BBIP1: variants seen among roughly 807,000 people sequenced by gnomAD.
BBIP1 encodes BBSome interacting protein 1, also known as BBSome-interacting protein 1.
A neutral mutation model predicts 8.9 loss-of-function variants in BBIP1; 6 were observed. The observed-to-expected ratio is 0.67, with a 90% CI of 0.37 to 1.33. The LOEUF (loss-of-function observed/expected upper bound fraction) is 1.33. Ranked by LOEUF, BBIP1 falls within the 40% of genes most tolerant of loss-of-function variation. The probability of loss-of-function intolerance (pLI) is 0.02; values close to 1 mark genes in which losing one functional copy is unlikely to be tolerated. For synonymous variants in BBIP1, 32 were observed against 33.4 expected (o/e 0.96, Z 0.14); for missense variants, 111 against 109.2 (o/e 1.02, Z -0.07).
At chr10:110,912,025 T>G (rs1331461093) in intron 2 of BBIP1, 2 of 152,136 alleles carry the variant, frequency 1.3e-5, no homozygotes, top group African/African-American at 2.4e-5. Context: ...ACAGTAAATC[T>G]CAGGAATGAG....
intron 2 of BBIP1, among the ~76,000 whole-genome samples, chr10:110,912,868 G>A (rs565709122): frequency 6.6e-6 from 1 of 152,064 alleles, no homozygotes; most frequent in African/African-American, 2.4e-5. Flanking sequence ...CTCTATTAAT[G>A]TATCTAAACT....
intron 1 of BBIP1, 141 bp from the exon 2 acceptor site, chr10:110,918,354 C>A: frequency 1.8e-6 from 1 of 557,202 alleles, no homozygotes; most frequent in Non-Finnish European, 3.2e-6. Flanking sequence ...CTTACAAAGA[C>A]TCAAAGGAGA....
At position 110,899,094 on chromosome 10, in the gene BBIP1, C is replaced by T. The variant is rs1256632329; in HGVS notation, c.*1266G>A. 4 of 152,110 alleles carry T rather than the reference C, an allele frequency of 2.6e-5. No individual in the cohort carries two copies. Among genetic ancestry groups the T allele is most frequent in the Admixed American group, 1.3e-4 (2 of 15,282 alleles). 9.4% of individuals were successfully genotyped at this position (152,110 alleles called of 1,614,324 possible). On this transcript the variant is annotated 3_prime_UTR_variant, in exon 4 of 4. Coordinates refer to ENST00000448814, the MANE Select transcript of BBIP1 (RefSeq NM_001195305.3). ...CAGAGACCCAAAGCTTGACATTTAC[C>T]TAATGTATGAGAAAATATTACCAAT...
At chr10:110,907,573 T>G in intron 2 of BBIP1, 68 of 454,160 alleles carry the variant, frequency 1.5e-4, no homozygotes, top group Middle Eastern at 2.9e-4. Context: ...AGACAGGAAA[T>G]GAGATGAAGC....
intron 1 of BBIP1, 48 bp from the exon 2 acceptor site, chr10:110,918,261 T>C: frequency 1.0e-6 from 1 of 991,828 alleles, no homozygotes; most frequent in East Asian, 2.7e-5. Flanking sequence ...ATAAAAGCAA[T>C]ACAGTATTTT....
intron 2 of BBIP1, among the ~76,000 whole-genome samples, chr10:110,916,658 T>C (rs1342542101): frequency 6.6e-6 from 1 of 152,216 alleles, no homozygotes; most frequent in Non-Finnish European, 1.5e-5. Flanking sequence ...TGTATTTGAA[T>C]TGCAGGGCCC....
chr10:110,901,590 G>A lies in BBIP1; in HGVS notation c.60C>T (p.Asn20=). ...ELSGKNTISN[N]SDMAEVKSMF... ...TTGACTTCACTTCTGCCATATCTGA[G>A]TTGTTGGATATAGTGTTTTTTCCTT... Residue 20 remains asparagine (N), a synonymous_variant, in exon 3 of 4, where the codon AAC becomes AAT. Transcript: ENST00000448814. The A allele has an allele frequency of 6.5e-7, 1 of 1,535,458 alleles. No homozygotes were observed. Among genetic ancestry groups the A allele is most frequent in the South Asian group, 1.2e-5 (1 of 84,054 alleles).
Position 110,900,464 on chromosome 10 carries a change from T to G in BBIP1, c.175A>C (p.Lys59Gln), listed in dbSNP as rs1332007527. Residue 59 changes from lysine (K) to glutamine (Q), a missense_variant, in exon 4 of 4, where the codon AAA becomes CAA. Lys to Gln is a moderately conservative substitution (Grantham distance 53, BLOSUM62 1). Transcript: ENST00000448814. ...TCTAGTTTTTCCAGAGTCAGAGATT[T>G]TAAGGGTAAAAGTTTGGGTTTACAC... ...VLCKPKLLPL[K>Q]SLTLEKLEKM... The G allele has an allele frequency of 3.0e-5, 46 of 1,535,826 alleles. No individual in the cohort carries two copies. The Admixed American group carries it at 4.9e-4, about 16-fold the overall frequency.
In BBIP1 at chr10:110,901,612, C is replaced by T. The variant is rs1846006229; in HGVS notation, c.38G>A (p.Gly13Glu). The T allele has an allele frequency of 6.5e-7, 1 of 1,531,024 alleles. No homozygotes were observed. Among genetic ancestry groups the T allele is most frequent in the Non-Finnish European group, 8.8e-7 (1 of 1,142,372 alleles). 94.8% of individuals were successfully genotyped at this position (1,531,024 alleles called of 1,614,324 possible). A position where few individuals can be genotyped will look rare whatever the true frequency, so the allele number is the denominator to read the frequency against. The change falls in exon 3 of 4, where the codon GGA becomes GAA. Residue 13 changes from glycine (G) to glutamate (E), a missense_variant and splice_region_variant. By Grantham distance (98) the Gly-to-Glu change is moderately conservative. Transcript: ENST00000448814. ...KAAAKRPELSGKNTISNNSDM... is the reference protein window; with the variant it reads ...KAAAKRPELSEKNTISNNSDM... ...TGAGTTGTTGGATATAGTGTTTTTT[C>T]CTTCAATGAGAAATCAGTATTATTC...
intron 2 of BBIP1, chr10:110,907,132 T>G (rs1202365202): frequency 2.0e-5 from 3 of 152,262 alleles, no homozygotes; most frequent in Non-Finnish European, 4.4e-5. Flanking sequence ...TGTGTGTAGC[T>G]CCTAAGAGAT....
rs775616314 is a variant in BBIP1, at chr10:110,899,328, T to C, written c.*1032A>G. On this transcript the variant is annotated 3_prime_UTR_variant, in exon 4 of 4. Coordinates refer to ENST00000448814, the MANE Select transcript of BBIP1 (RefSeq NM_001195305.3). Reference sequence around the variant, plus strand: ...ATTAAAACCAAGTTTAGTGTTCATATTTACCTCATGGGCTTTATCAAGCCC... The same window carrying C: ...ATTAAAACCAAGTTTAGTGTTCATACTTACCTCATGGGCTTTATCAAGCCC... The C allele has an allele frequency of 1.3e-5, 2 of 152,220 alleles. No homozygotes were observed. The highest frequency in any genetic ancestry group is 6.5e-5 in the Admixed American group (1 of 15,282). The allele number at this position is 152,220 out of a possible 1,614,324, so 9.4% of individuals were successfully genotyped here.
At chr10:110,901,397 C>T (rs1285289987) in intron 3 of BBIP1, 141 bp downstream of exon 3, 1 of 629,928 alleles carries the variant, frequency 1.6e-6, no homozygotes, top group Middle Eastern at 2.5e-4. Context: ...CATGAAAAAG[C>T]ATATAGTAAA....
At chr10:110,917,511 C>A (rs551713869) in intron 2 of BBIP1, among the ~76,000 whole-genome samples, 6 of 152,182 alleles carry the variant, frequency 3.9e-5, no homozygotes, top group African/African-American at 1.4e-4. Flanking sequence ...TAAATTATTT[C>A]TTTCAGCTTT....
In BBIP1 at chr10:110,915,034, T is replaced by TTA. The variant is rs1846367252; in HGVS notation, c.37+3085_37+3086dup. On this transcript the variant is annotated intron_variant, in intron 2 of 3. Transcript: ENST00000448814. ...GGAAAGAGAAAAGTTGTTTGATACTTTACAGAGTGCTGCTTAAAGCCCAGT... is the reference window on the plus strand; with the variant it reads ...GGAAAGAGAAAAGTTGTTTGATACTTTATACAGAGTGCTGCTTAAAGCCCAGT... Among the ~76,000 whole-genome samples, 3 of 152,346 alleles carry TTA rather than the reference T, an allele frequency of 2.0e-5. No individual in the cohort carries two copies. The South Asian group carries it at 6.2e-4, about 32-fold the overall frequency.
rs3209508 is a variant in BBIP1, at chr10:110,900,007, T to C, written c.*353A>G. ...AATAAACATGTAAAGATCCTCTGTATATAAAAGTTGTATTTAATCCCTTGT... is the reference window on the plus strand; with the variant it reads ...AATAAACATGTAAAGATCCTCTGTACATAAAAGTTGTATTTAATCCCTTGT... On this transcript the variant is annotated 3_prime_UTR_variant, in exon 4 of 4. Coordinates refer to ENST00000448814, the MANE Select transcript of BBIP1 (RefSeq NM_001195305.3). The C allele has an allele frequency of 5.6e-6, 1 of 179,862 alleles. No homozygotes were observed. Among genetic ancestry groups the C allele is most frequent in the Admixed American group, 6.2e-5 (1 of 16,200 alleles). The allele number at this position is 179,862 out of a possible 1,614,324, so 11.1% of individuals were successfully genotyped here.
At chr10:110,909,627 A>C in intron 2 of BBIP1, among the ~76,000 whole-genome samples, 1 of 152,252 alleles carries the variant, frequency 6.6e-6, no homozygotes, top group East Asian at 1.9e-4. Flanking sequence ...CATATTTGGG[A>C]AAAGAGCCTA....
upstream of BBIP1, chr10:110,919,210 G>A (rs1418795704): frequency 5.6e-6 from 1 of 177,260 alleles, no homozygotes; most frequent in Non-Finnish European, 1.2e-5. Context: ...CTGGAAACAG[G>A]AAGCCAGGAA....
At chr10:110,910,227 A>G (rs1846243108) in intron 2 of BBIP1, among the ~76,000 whole-genome samples, 1 of 152,198 alleles carries the variant, frequency 6.6e-6, no homozygotes, top group Non-Finnish European at 1.5e-5. Flanking sequence ...TTCTAGACAA[A>G]GCGAAAAATA....
rs768416334 is a variant in BBIP1 at position 110,900,335 on chromosome 10, G to A, written c.*25C>T. On this transcript the variant is annotated 3_prime_UTR_variant, in exon 4 of 4. Coordinates refer to ENST00000448814, the MANE Select transcript of BBIP1 (RefSeq NM_001195305.3). ...TGTTAAATAGTAGATAAGGCAGGTT[G>A]TTCCCTAAAGTGCTCAGTTATCATT... 7.4e-5 allele frequency: 112 copies of A among 1,513,610 alleles called. No homozygotes were observed. The highest frequency in any genetic ancestry group is 8.8e-5 in the Non-Finnish European group (100 of 1,135,988). The allele number at this position is 1,513,610 out of a possible 1,614,324, so 93.8% of individuals were successfully genotyped here. A position where few individuals can be genotyped will look rare whatever the true frequency, so the allele number is the denominator to read the frequency against.
Sources: gnomAD v4.1 joint callset for allele counts (sites outside exome capture counted in the v4.1 genomes callset) on GRCh38, gnomAD v4.1.1 for gene constraint, MANE v1.5 for transcripts, NCBI Gene and HGNC (gene_info 2026-07-23, HGNC 2026-07-21) for gene names.